The following CAMKMT variants were observed in gnomAD, a reference collection of about 807,000 sequenced individuals.
CAMKMT encodes calmodulin-lysine N-methyltransferase, also known as CaM KMT.
Under a neutral mutation model 48.0 loss-of-function variants are expected in CAMKMT, and 53 were observed. The observed-to-expected ratio is 1.10, with a 90% CI of 0.89 to 1.39. CAMKMT has a LOEUF of 1.39. CAMKMT is among the 40% of genes most tolerant of loss of function. CAMKMT has a pLI of 0.00. For missense variants in CAMKMT, 428 were observed against 402.7 expected (o/e 1.06, Z -0.54); for synonymous variants, 165 against 152.3 (o/e 1.08, Z -0.61).
chr2:44,523,333 C>T (rs760387086), intron 3 of CAMKMT, among the ~76,000 whole-genome samples: 1 of 149,810 alleles, frequency 6.7e-6, no homozygotes, highest in Non-Finnish European at 1.5e-5. Context: ...CACTCTGTCG[C>T]CCAGGGTATA....
At chr2:44,627,697 C>CTTTTTTCTTTTTTTTT in intron 3 of CAMKMT, among the ~76,000 whole-genome samples, 1 of 75,100 alleles carries the variant, frequency 1.3e-5, no homozygotes, top group Non-Finnish European at 2.4e-5. Context: ...CCATTTTATC[C>CTTTTTTCTTTTTTTTT]TTTTTTTTTT....
intron 3 of CAMKMT, among the ~76,000 whole-genome samples, chr2:44,673,389 A>G (rs1331119131): frequency 2.0e-5 from 3 of 150,618 alleles, no homozygotes; most frequent in African/African-American, 7.3e-5. Context: ...ATTGCACGCC[A>G]CTGCACTCCA....
intron 3 of CAMKMT, among the ~76,000 whole-genome samples, chr2:44,685,657 C>T (rs1173262133): frequency 6.6e-6 from 1 of 152,144 alleles, no homozygotes; most frequent in Admixed American, 6.5e-5. Context: ...TTTATAAACA[C>T]TCTAAATGGG....
intron 2 of CAMKMT, among the ~76,000 whole-genome samples, chr2:44,387,749 G>C (rs567477576): frequency 6.6e-6 from 1 of 152,068 alleles, no homozygotes; most frequent in African/African-American, 2.4e-5. Context: ...CTCAGTATTT[G>C]TCTGAAAAAG....
intron 3 of CAMKMT, among the ~76,000 whole-genome samples, chr2:44,541,628 G>T (rs555364501): frequency 1.3e-5 from 2 of 152,064 alleles, no homozygotes; most frequent in African/African-American, 4.8e-5. Context: ...AAAATTAGCT[G>T]CGCATAGTGG....
intron 3 of CAMKMT, among the ~76,000 whole-genome samples, chr2:44,526,334 A>G (rs887301283): frequency 1.3e-5 from 2 of 152,214 alleles, no homozygotes; most frequent in Admixed American, 6.5e-5. Context: ...TAAAATTTCT[A>G]TTAGGGTTCT....
chr2:44,593,457 A>G (rs1408636865), intron 3 of CAMKMT, among the ~76,000 whole-genome samples: 1 of 152,008 alleles, frequency 6.6e-6, no homozygotes, highest in Non-Finnish European at 1.5e-5. Context: ...CTCTAGCCAC[A>G]TTGTTTTTTC....
intron 3 of CAMKMT, among the ~76,000 whole-genome samples, chr2:44,421,221 C>T (rs1325510762): frequency 6.6e-6 from 1 of 152,088 alleles, no homozygotes; most frequent in Non-Finnish European, 1.5e-5. Flanking sequence ...TTACTTTCTT[C>T]ATGAGCAGTG....
At chr2:44,501,243 C>G (rs570465664) in intron 3 of CAMKMT, among the ~76,000 whole-genome samples, 63 of 152,096 alleles carry the variant, frequency 4.1e-4, no homozygotes, top group Non-Finnish European at 8.4e-4. Flanking sequence ...CAATTCAAGA[C>G]TAATTCAGTA....
intron 3 of CAMKMT, among the ~76,000 whole-genome samples, chr2:44,659,921 C>T (rs1485802038): frequency 6.6e-6 from 1 of 152,046 alleles, no homozygotes; most frequent in Admixed American, 6.6e-5. Context: ...GATTTTTGGT[C>T]CCTGGACACC....
At chr2:44,721,852 G>A (rs1031101862) in intron 7 of CAMKMT, among the ~76,000 whole-genome samples, 1 of 151,788 alleles carries the variant, frequency 6.6e-6, no homozygotes, top group Non-Finnish European at 1.5e-5. Flanking sequence ...AGAGGAGAGG[G>A]GAGGGGAGGG....
chr2:44,592,144 C>A (rs1670329130), intron 3 of CAMKMT, among the ~76,000 whole-genome samples: 1 of 151,944 alleles, frequency 6.6e-6, no homozygotes, highest in Admixed American at 6.6e-5. Context: ...AGCACACCAG[C>A]ATGGCACATG....
chr2:44,480,548 A>G (rs1260412058), intron 3 of CAMKMT, among the ~76,000 whole-genome samples: 1 of 152,178 alleles, frequency 6.6e-6, no homozygotes, highest in Non-Finnish European at 1.5e-5. Flanking sequence ...TTATTGCTCA[A>G]ATTAATTATC....
chr2:44,395,049 A>G (rs1459165327), intron 3 of CAMKMT: 8 of 442,496 alleles, frequency 1.8e-5, no homozygotes, highest in Non-Finnish European at 3.6e-5. Context: ...AAAAAAAATT[A>G]TATGTTTTCA....
chr2:44,539,231 G>C (rs1666954735), intron 3 of CAMKMT, among the ~76,000 whole-genome samples: 1 of 148,348 alleles, frequency 6.7e-6, no homozygotes, highest in South Asian at 2.2e-4. Context: ...CTTGAACCCA[G>C]GAGGTGGAGT....
At chr2:44,478,849 C>T (rs1315985120) in intron 3 of CAMKMT, among the ~76,000 whole-genome samples, 2 of 151,960 alleles carry the variant, frequency 1.3e-5, no homozygotes, top group African/African-American at 4.8e-5. Flanking sequence ...TACAGGCGCC[C>T]GCCACCACGC....
intron 3 of CAMKMT, among the ~76,000 whole-genome samples, chr2:44,689,988 C>G (rs1203277354): frequency 6.6e-6 from 1 of 152,226 alleles, no homozygotes; most frequent in African/African-American, 2.4e-5. Context: ...TAAGCATTCA[C>G]ATCTAGTTTA....
At chr2:44,521,741 G>C (rs1427147056) in intron 3 of CAMKMT, among the ~76,000 whole-genome samples, 3 of 152,224 alleles carry the variant, frequency 2.0e-5, no homozygotes, top group African/African-American at 4.8e-5. Flanking sequence ...TATAATGTCA[G>C]CTACTGGGCT....
chr2:44,372,773 G>C lies in CAMKMT; in HGVS notation c.196G>C (p.Glu66Gln). The part of the protein sequence containing the change: ...CLRHVSVRRF[E>Q]SFNLFSVTEG... ...GCGACATGTATCTGTAAGAAGATTTGAATCATTTAATCTGTTTTCAGTAAC... is the reference window on the plus strand; with the variant it reads ...GCGACATGTATCTGTAAGAAGATTTCAATCATTTAATCTGTTTTCAGTAAC... The change falls in exon 2 of 11, where the codon GAA becomes CAA. Residue 66 changes from glutamate to glutamine, a missense_variant. Coordinates refer to ENST00000378494, the MANE Select transcript of CAMKMT (RefSeq NM_024766.5). 2 of 1,613,838 alleles carry C rather than the reference G, an allele frequency of 1.2e-6. No individual in the cohort carries two copies. The highest frequency in any genetic ancestry group is 1.7e-6 in the Non-Finnish European group (2 of 1,179,918).
Sources: allele counts gnomAD v4.1 joint callset (sites outside exome capture counted in the v4.1 genomes callset), GRCh38; gene constraint gnomAD v4.1.1; transcripts MANE v1.5; gene names NCBI Gene and HGNC (gene_info 2026-07-23, HGNC 2026-07-21).